CIT: variants seen among roughly 807,000 people sequenced by gnomAD.
CIT encodes citron rho-interacting serine/threonine kinase, also known as citron Rho-interacting kinase.
A neutral mutation model predicts 272.7 loss-of-function variants in CIT; 79 were observed. The ratio of observed to expected loss-of-function variants is 0.29; its 90% CI spans 0.24 to 0.35. The LOEUF is 0.35. Ranked by LOEUF, CIT falls within the 10% of genes least tolerant of loss-of-function variation. CIT has a pLI of 1.00. For synonymous variants in CIT, 948 were observed against 995.6 expected, an observed-to-expected ratio of 0.95 and a Z score of 0.90; for missense variants, 1,909 against 2,618.3, an observed-to-expected ratio of 0.73 and a Z score of 5.91.
chr12:119,704,281 GA>G, intron 41 of CIT, 81 bp downstream of exon 41: 1 of 1,305,586 alleles, frequency 7.7e-7, no homozygotes, highest in Non-Finnish European at 1.1e-6. Context: ...TGTGTCCCAG[GA>G]CAGTGCACTT....
At chr12:119,871,540 A>G (rs1950678651) in intron 2 of CIT, among the ~76,000 whole-genome samples, 1 of 152,128 alleles carries the variant, frequency 6.6e-6, no homozygotes, top group Admixed American at 6.6e-5. Flanking sequence ...TCCAGACTGT[A>G]GCCTAGAATC....
chr12:119,850,397 A>AAAG (rs1970131689), intron 4 of CIT, 122 bp from the exon 5 acceptor site: 1 of 547,396 alleles, frequency 1.8e-6, no homozygotes, highest in East Asian at 3.2e-5. Context: ...AAGGCAAAGG[A>AAAG]AAGAAGGGAA....
At chr12:119,752,399 C>T (rs1273038066) in intron 22 of CIT, 152 bp from the exon 23 acceptor site, 3 of 661,504 alleles carry the variant, frequency 4.5e-6, no homozygotes, top group South Asian at 2.1e-5. Context: ...GAAAATGCAA[C>T]AAAATGGGCC....
intron 32 of CIT, among the ~76,000 whole-genome samples, chr12:119,717,195 G>C (rs1396591375): frequency 6.6e-6 from 1 of 152,114 alleles, no homozygotes; most frequent in Admixed American, 6.5e-5. Context: ...TGGGATTACA[G>C]GCATGCACCA....
rs12579972 is a variant in CIT at position 119,766,114 on chromosome 12, A to C, written c.2304+973T>G. On this transcript the variant is annotated intron_variant, in intron 19 of 47. Transcript: ENST00000392521. Reference sequence around the variant, plus strand: ...ATCAGGAAGACAGCAAGAATAGCTAATGCATGCTGGGCTTAAGACCTAGGT... The same window carrying C: ...ATCAGGAAGACAGCAAGAATAGCTACTGCATGCTGGGCTTAAGACCTAGGT... 0.014 allele frequency among the ~76,000 whole-genome samples: 2,181 copies of C among 152,252 alleles called. 116 individuals carry two copies. The East Asian group carries it at 0.16, about 11-fold the overall frequency.
intron 5 of CIT, among the ~76,000 whole-genome samples, chr12:119,845,652 CAAAAA>C (rs34059849): frequency 1.7e-5 from 1 of 58,914 alleles, no homozygotes; most frequent in Non-Finnish European, 3.6e-5. Context: ...GACTCTGTCT[CAAAAA>C]AAAAAAAAAA....
rs1956271337 is a variant in CIT, at chr12:119,697,194, A to G, written c.5882+465T>C. 6.6e-6 allele frequency among the ~76,000 whole-genome samples: 1 copy of G among 151,646 alleles called. No individual in the cohort carries two copies. Among genetic ancestry groups the G allele is most frequent in the South Asian group, 2.1e-4 (1 of 4,784 alleles). ...TGATGGGAAATCCTCCCTCACCTCC[A>G]CGTCCAGGCTTTCAACCACCCCACC... is the stretch of plus-strand genomic sequence containing the variant. On this transcript the variant is annotated intron_variant, in intron 46 of 47. Transcript: ENST00000392521. The surrounding 1 kb of genome is among the most constrained non-coding windows in gnomAD (Gnocchi z 4.9).
At chr12:119,836,284 TAAA>T (rs201559880) in intron 5 of CIT, among the ~76,000 whole-genome samples, 4 of 42,258 alleles carry the variant, frequency 9.5e-5, no homozygotes, top group African/African-American at 2.0e-4. Context: ...AGACTCCATC[TAAA>T]AAAAAAAAAA....
chr12:119,701,477 G>C, intron 43 of CIT, 147 bp downstream of exon 43: 2 of 851,922 alleles, frequency 2.3e-6, no homozygotes, highest in South Asian at 3.6e-5. Context: ...GCATCCCCAA[G>C]GGGACTTGGT....
rs200361197 is a variant in CIT, at chr12:119,815,106, A to C, written c.1111+7714T>G. The stretch of plus-strand genomic sequence containing the variant: ...CACATACCACACACACACACACACA[A>C]CACACACACACACACACACACACAC... On this transcript the variant is annotated intron_variant, in intron 9 of 47. Transcript: ENST00000392521. Among the ~76,000 whole-genome samples, 238 of 14,656 alleles carry C rather than the reference A, an allele frequency of 0.016. 1 individual carries two copies. The East Asian group carries it at 0.34, about 21-fold the overall frequency. 9.6% of individuals were successfully genotyped at this position (14,656 alleles called of 152,430 possible).
At chr12:119,824,224 C>T (rs1967982777) in intron 8 of CIT, among the ~76,000 whole-genome samples, 2 of 150,504 alleles carry the variant, frequency 1.3e-5, no homozygotes. Flanking sequence ...ACAGTTAGTA[C>T]TAAGAAGGAG....
In CIT at chr12:119,704,363, T is replaced by A; in HGVS notation, c.5304A>T (p.Lys1768Asn). 1 of 1,613,902 alleles carries A rather than the reference T, an allele frequency of 6.2e-7. No individual in the cohort carries two copies. The highest frequency in any genetic ancestry group is 8.5e-7 in the Non-Finnish European group (1 of 1,179,794). Reference sequence around the variant, plus strand: ...AACCAAGGCAAGGCCCAGGACTTACTTTCCGGATGCAGTATTTGCTGAGGT... The same window carrying A: ...AACCAAGGCAAGGCCCAGGACTTACATTCCGGATGCAGTATTTGCTGAGGT... ...NENLSKYCIR[K>N]EIETSEPCSC... The change falls in exon 41 of 48, where the codon AAA becomes AAT. Residue 1768 changes from lysine (K) to asparagine (N), a missense_variant and splice_region_variant. Physicochemically the swap from Lys to Asn is moderately conservative, Grantham distance 94. This residue lies in a region of CIT where 780 missense variants were observed against 1,067.2 expected (regional missense o/e 0.73). Transcript: ENST00000392521.
At chr12:119,747,605 A>G (rs1565981622) in intron 23 of CIT, among the ~76,000 whole-genome samples, 3 of 151,754 alleles carry the variant, frequency 2.0e-5, no homozygotes, top group Non-Finnish European at 4.4e-5. Flanking sequence ...CTGTAGTCCC[A>G]GCTACTCGGG....
At chr12:119,741,327 G>A (rs1959048259) in intron 24 of CIT, among the ~76,000 whole-genome samples, 1 of 152,186 alleles carries the variant, frequency 6.6e-6, no homozygotes, top group Non-Finnish European at 1.5e-5. Flanking sequence ...CAGCATAGTG[G>A]TTACCCTTTG....
Position 119,772,815 on chromosome 12 carries a change from T to C in CIT, c.2037A>G (p.Arg679=). 2 of 1,613,996 alleles carry C rather than the reference T, an allele frequency of 1.2e-6. No homozygotes were observed. The highest frequency in any genetic ancestry group is 1.7e-6 in the Non-Finnish European group (2 of 1,179,982). The change falls in exon 17 of 48, where the codon CGA becomes CGG. Residue 679 remains arginine (R), a synonymous_variant. Coordinates refer to ENST00000392521, the MANE Select transcript of CIT (RefSeq NM_001206999.2). ...TTCTGATGCCTTCAGAAGAATCCTC[T>C]CGGTTCTGCAGCTTCTCCAGCTCCC... ...AERELEKLQN[R]EDSSEGIRKK... is the part of the protein sequence containing the mutation.
intron 10 of CIT, among the ~76,000 whole-genome samples, chr12:119,787,964 G>A (rs1964957155): frequency 6.6e-6 from 1 of 152,124 alleles, no homozygotes; most frequent in Admixed American, 6.5e-5. Flanking sequence ...TGTTACTACT[G>A]TCATTGTTGT....
At chr12:119,837,273 G>T (rs1037884228) in intron 5 of CIT, among the ~76,000 whole-genome samples, 3 of 152,186 alleles carry the variant, frequency 2.0e-5, no homozygotes, top group African/African-American at 7.2e-5. Context: ...TACTACTGGG[G>T]TATAGCTGCT....
chr12:119,812,845 G>A (rs1385902472), intron 9 of CIT, among the ~76,000 whole-genome samples: 1 of 150,294 alleles, frequency 6.7e-6, no homozygotes, highest in African/African-American at 2.5e-5. Context: ...CTCCAATAAA[G>A]AAGAAGGAGG....
chr12:119,690,193 C>T lies in CIT; in HGVS notation c.6144G>A (p.Leu2048=). The T allele has an allele frequency of 6.7e-7, 1 of 1,492,008 alleles. No homozygotes were observed. The allele number at this position is 1,492,008 out of a possible 1,614,324, so 92.4% of individuals were successfully genotyped here. A position where few individuals can be genotyped will look rare whatever the true frequency, so the allele number is the denominator to read the frequency against. Residue 2048 remains leucine (L), a synonymous_variant, in exon 47 of 48, where the codon CTG becomes CTA. Coordinates refer to ENST00000392521, the MANE Select transcript of CIT (RefSeq NM_001206999.2). This position sits in a 1 kb window ranked among gnomAD's most constrained non-coding sequence, Gnocchi z 6.0. ...GCGGGGTCCTCACGGCTCCCGCAGG[C>T]AGCCGGCCCCTGCTGCTGTCTTCAA... is the stretch of plus-strand genomic sequence containing the variant. ...RLFEDSSRGR[L]PAGAVRTPLS...
Sources: gnomAD v4.1 joint callset for allele counts (sites outside exome capture counted in the v4.1 genomes callset) on GRCh38, gnomAD v4.1.1 for gene constraint, gnomAD v4.1.1 regional missense constraint, Gnocchi (gnomAD v3.1) non-coding constraint, MANE v1.5 for transcripts, NCBI Gene and HGNC (gene_info 2026-07-23, HGNC 2026-07-21) for gene names.